Variants in GPC5 observed in about 807,000 individuals in gnomAD.
GPC5 encodes glypican-5.
Under a neutral mutation model 53.9 loss-of-function variants are expected in GPC5, and 47 were observed. The ratio of observed to expected loss-of-function variants is 0.87; its 90% CI spans 0.69 to 1.11. The LOEUF (loss-of-function observed/expected upper bound fraction) is 1.11. Among genes scored for constraint, GPC5 ranks in the 50% most tolerant of loss-of-function variants. The pLI, the probability that GPC5 is intolerant of heterozygous loss-of-function variation, is 0.00. For synonymous variants in GPC5, 286 were observed against 263.3 expected, an observed-to-expected ratio of 1.09 and a Z score of -0.84; for missense variants, 748 against 713.1, an observed-to-expected ratio of 1.05 and a Z score of -0.56.
chr13:91,437,651 C>T (rs1255921267), intron 1 of GPC5, among the ~76,000 whole-genome samples: 1 of 152,148 alleles, frequency 6.6e-6, no homozygotes, highest in Admixed American at 6.5e-5. Context: ...AGTTGCTCTT[C>T]TCAAGGAGTA....
At chr13:91,914,743 G>A (rs2039642749) in intron 6 of GPC5, among the ~76,000 whole-genome samples, 1 of 140,618 alleles carries the variant, frequency 7.1e-6, no homozygotes, top group East Asian at 2.2e-4. Context: ...TCAATAGATG[G>A]TTACACAGGT....
chr13:91,629,078 A>C (rs995476182), intron 2 of GPC5, among the ~76,000 whole-genome samples: 3 of 152,188 alleles, frequency 2.0e-5, no homozygotes, highest in Admixed American at 1.3e-4. Flanking sequence ...ACATGGAAGG[A>C]GCTCAGGAGG....
At chr13:91,606,554 G>A (rs2033374770) in intron 2 of GPC5, among the ~76,000 whole-genome samples, 1 of 148,350 alleles carries the variant, frequency 6.7e-6, no homozygotes, top group African/African-American at 2.5e-5. Context: ...TTGTACCTCT[G>A]GTAGAATTCG....
intron 7 of GPC5, among the ~76,000 whole-genome samples, chr13:92,632,139 G>A (rs534361928): frequency 1.2e-3 from 182 of 152,212 alleles, no homozygotes; most frequent in African/African-American, 4.2e-3. Flanking sequence ...CAGGGCAACA[G>A]AAGATGACAA....
intron 5 of GPC5, among the ~76,000 whole-genome samples, chr13:91,871,770 C>T (rs1380619779): frequency 6.6e-6 from 1 of 150,868 alleles, no homozygotes; most frequent in Non-Finnish European, 1.5e-5. Flanking sequence ...ACTTCGTTTT[C>T]CTTTACACAG....
intron 6 of GPC5, among the ~76,000 whole-genome samples, chr13:91,931,562 A>G (rs1224150619): frequency 6.6e-6 from 1 of 152,036 alleles, no homozygotes; most frequent in African/African-American, 2.4e-5. Context: ...GTAAACAGCA[A>G]CAGCAACAAG....
chr13:91,947,436 TATTA>T (rs141329921), intron 6 of GPC5, among the ~76,000 whole-genome samples: 3,396 of 152,278 alleles, frequency 0.022, 121 homozygotes, highest in African/African-American at 0.077. Flanking sequence ...AGTATATTGT[TATTA>T]ATTAATTAAG....
chr13:92,065,176 G>A (rs2041158292), intron 6 of GPC5, among the ~76,000 whole-genome samples: 2 of 152,238 alleles, frequency 1.3e-5, no homozygotes, highest in African/African-American at 2.4e-5. Flanking sequence ...TTTTAAAAAT[G>A]TATTAACCAA....
intron 7 of GPC5, among the ~76,000 whole-genome samples, chr13:92,556,591 T>G (rs955210210): frequency 6.6e-6 from 1 of 151,724 alleles, no homozygotes; most frequent in African/African-American, 2.4e-5. Flanking sequence ...ACACCCAGTC[T>G]CAATATAAAT....
chr13:92,513,491 G>T (rs898337669), intron 7 of GPC5, among the ~76,000 whole-genome samples: 7 of 147,132 alleles, frequency 4.8e-5, no homozygotes. Context: ...TTTAATTAAG[G>T]CATATAAGAC....
intron 5 of GPC5, among the ~76,000 whole-genome samples, chr13:91,882,352 A>ACACG (rs2138951799): frequency 6.6e-6 from 1 of 152,188 alleles, no homozygotes; most frequent in Non-Finnish European, 1.5e-5. Context: ...TAATGCTCAA[A>ACACG]TTTTATACTT....
At chr13:91,555,765 C>T (rs1706964826) in intron 2 of GPC5, among the ~76,000 whole-genome samples, 1 of 152,042 alleles carries the variant, frequency 6.6e-6, no homozygotes, top group South Asian at 2.1e-4. Context: ...AGCAAAGTCA[C>T]ATCTTACCTT....
intron 7 of GPC5, among the ~76,000 whole-genome samples, chr13:92,770,299 A>G (rs1875562602): frequency 6.6e-6 from 1 of 151,806 alleles, no homozygotes; most frequent in South Asian, 2.1e-4. Flanking sequence ...CTGTCATCCA[A>G]GCTACTCAAG....
chr13:92,821,020 G>A (rs6492628), intron 7 of GPC5, among the ~76,000 whole-genome samples: 42,279 of 151,890 alleles, frequency 0.28, 8,455 homozygotes, highest in African/African-American at 0.56. Context: ...GTCATTTTCT[G>A]TATTAAGACT....
At chr13:92,449,855 G>T (rs1042832746) in intron 7 of GPC5, among the ~76,000 whole-genome samples, 1 of 152,000 alleles carries the variant, frequency 6.6e-6, no homozygotes, top group Non-Finnish European at 1.5e-5. Flanking sequence ...CAGAATACTA[G>T]AAAATTGTAT....
At chr13:92,160,616 GCA>G (rs2041980622) in intron 7 of GPC5, among the ~76,000 whole-genome samples, 2 of 152,088 alleles carry the variant, frequency 1.3e-5, no homozygotes, top group Non-Finnish European at 1.5e-5. Flanking sequence ...ATGAAATTTG[GCA>G]TTGAGTCTGG....
intron 6 of GPC5, among the ~76,000 whole-genome samples, chr13:91,992,785 T>C (rs1445185013): frequency 6.6e-6 from 1 of 152,140 alleles, no homozygotes; most frequent in Non-Finnish European, 1.5e-5. Flanking sequence ...GAAAATTCAG[T>C]GCAATTACAT....
intron 2 of GPC5, among the ~76,000 whole-genome samples, chr13:91,683,454 C>T: frequency 6.6e-6 from 1 of 152,174 alleles, no homozygotes; most frequent in East Asian, 1.9e-4. Context: ...GGATCATCCT[C>T]TTTTGTTGGG....
At chr13:91,489,848 A>G (rs588826) in intron 2 of GPC5, among the ~76,000 whole-genome samples, 1,984 of 152,290 alleles carry the variant, frequency 0.013, 20 homozygotes, top group Non-Finnish European at 0.021. Flanking sequence ...ATTGTCTCAG[A>G]GTAGGGAAAT....
Sources: gnomAD v4.1 joint callset for allele counts (sites outside exome capture counted in the v4.1 genomes callset) on GRCh38, gnomAD v4.1.1 for gene constraint, MANE v1.5 for transcripts, NCBI Gene and HGNC (gene_info 2026-07-23, HGNC 2026-07-21) for gene names.